The following ARHGAP28 variants were observed in gnomAD, a reference collection of about 807,000 sequenced individuals.
ARHGAP28 encodes the protein rho GTPase-activating protein 28.
ARHGAP28 carries 56 observed loss-of-function variants against 90.7 expected under a neutral mutation model. The ratio of observed to expected loss-of-function variants is 0.62; its 90% CI spans 0.50 to 0.77. The LOEUF (loss-of-function observed/expected upper bound fraction) is 0.77, where lower values mean the gene tolerates loss of function less well. Among genes scored for constraint, ARHGAP28 ranks in the 30% least tolerant of loss-of-function variants. The probability of loss-of-function intolerance (pLI) is 0.00; values close to 1 mark genes in which losing one functional copy is unlikely to be tolerated. For missense variants in ARHGAP28, 869 were observed against 900.9 expected (o/e 0.96, Z 0.45); for synonymous variants, 308 against 323.3 (o/e 0.95, Z 0.51).
At chr18:6,907,631 C>G (rs908684196) in intron 16 of ARHGAP28, among the ~76,000 whole-genome samples, 3 of 152,178 alleles carry the variant, frequency 2.0e-5, no homozygotes, top group East Asian at 3.9e-4. Flanking sequence ...GGAAGTGCTG[C>G]TGGGGGTGAG....
At chr18:6,806,314 T>C (rs2056518858) in intron 1 of ARHGAP28, among the ~76,000 whole-genome samples, 1 of 152,198 alleles carries the variant, frequency 6.6e-6, no homozygotes, top group South Asian at 2.1e-4. Flanking sequence ...CTATGTATTA[T>C]AATCTTTATC....
At chr18:6,888,581 T>G (rs2057239885) in intron 12 of ARHGAP28, among the ~76,000 whole-genome samples, 1 of 152,222 alleles carries the variant, frequency 6.6e-6, no homozygotes, top group Admixed American at 6.5e-5. Flanking sequence ...ATTCAATAAT[T>G]TTTCAAAAAC....
chr18:6,843,275 C>T (rs2056841722), intron 3 of ARHGAP28, among the ~76,000 whole-genome samples: 3 of 152,132 alleles, frequency 2.0e-5, no homozygotes, highest in South Asian at 2.1e-4. Flanking sequence ...AGGTGTCACT[C>T]ATCACCGAGA....
chr18:6,827,559 C>T (rs1191788750), intron 2 of ARHGAP28, among the ~76,000 whole-genome samples: 114 of 145,790 alleles, frequency 7.8e-4, no homozygotes, highest in Non-Finnish European at 1.4e-3. Flanking sequence ...CCCCACCTCC[C>T]TCCCGGACGG....
intron 1 of ARHGAP28, among the ~76,000 whole-genome samples, chr18:6,739,669 C>CTCTG (rs947739240): frequency 1.3e-5 from 2 of 150,566 alleles, no homozygotes; most frequent in African/African-American, 4.9e-5. Flanking sequence ...CTCTCTCTCT[C>CTCTG]TCTTTCTTTC....
intron 1 of ARHGAP28, among the ~76,000 whole-genome samples, chr18:6,810,626 G>A (rs977888854): frequency 3.3e-5 from 5 of 152,134 alleles, no homozygotes. Context: ...GTGAGTCTGA[G>A]GGAGTAGTTA....
chr18:6,779,413 C>A (rs984247976), intron 1 of ARHGAP28, among the ~76,000 whole-genome samples: 6 of 152,326 alleles, frequency 3.9e-5, no homozygotes, highest in African/African-American at 1.4e-4. Context: ...GAACTGCATA[C>A]ATTTATCACA....
chr18:6,888,059 G>A (rs2057236019), intron 12 of ARHGAP28, among the ~76,000 whole-genome samples: 1 of 152,152 alleles, frequency 6.6e-6, no homozygotes, highest in Non-Finnish European at 1.5e-5. Context: ...AATAGTTCTA[G>A]AATTTCAGAA....
intron 12 of ARHGAP28, among the ~76,000 whole-genome samples, chr18:6,889,300 A>G (rs546559627): frequency 2.6e-5 from 4 of 152,134 alleles, no homozygotes; most frequent in African/African-American, 4.8e-5. Context: ...CCTGCACACA[A>G]ACATTTGCTT....
chr18:6,870,894 G>C (rs181527920), intron 7 of ARHGAP28, among the ~76,000 whole-genome samples, 162 bp downstream of exon 7: 1 of 151,692 alleles, frequency 6.6e-6, no homozygotes, highest in African/African-American at 2.4e-5. Flanking sequence ...TCTGCCTCCC[G>C]GGTTCACGCC....
At chr18:6,807,551 G>C (rs1033728824) in intron 1 of ARHGAP28, among the ~76,000 whole-genome samples, 16 of 152,148 alleles carry the variant, frequency 1.1e-4, no homozygotes, top group African/African-American at 3.9e-4. Flanking sequence ...CCCCACTCTA[G>C]AGGCAAAACT....
chr18:6,831,801 A>G (rs1201307288), intron 2 of ARHGAP28, among the ~76,000 whole-genome samples: 1 of 152,120 alleles, frequency 6.6e-6, no homozygotes, highest in Non-Finnish European at 1.5e-5. Flanking sequence ...TATCCTTGTC[A>G]TGTTCCCAGT....
At chr18:6,868,882 C>T (rs1245825175) in intron 6 of ARHGAP28, among the ~76,000 whole-genome samples, 1 of 151,894 alleles carries the variant, frequency 6.6e-6, no homozygotes, top group African/African-American at 2.4e-5. Flanking sequence ...ATGGTTGTAC[C>T]ACTCTGTTAA....
At chr18:6,899,912 G>A (rs1032447928) in intron 16 of ARHGAP28, among the ~76,000 whole-genome samples, 2 of 152,094 alleles carry the variant, frequency 1.3e-5, no homozygotes, top group South Asian at 2.1e-4. Context: ...GAAAGGGTTA[G>A]GATGTGGGAA....
intron 1 of ARHGAP28, among the ~76,000 whole-genome samples, chr18:6,799,739 A>C (rs997968216): frequency 2.6e-5 from 4 of 152,248 alleles, no homozygotes; most frequent in African/African-American, 9.6e-5. Context: ...CTTAAACGTA[A>C]GACCTAAAAC....
rs376887702 is a variant in ARHGAP28, at chr18:6,890,306, A to G, written c.1735-124A>G. 138 of 757,634 alleles carry G rather than the reference A, an allele frequency of 1.8e-4. No individual in the cohort carries two copies. In the African/African-American group the frequency reaches 2.1e-3, roughly 11 times the overall value. The allele number at this position is 757,634 out of a possible 1,614,324, so 46.9% of individuals were successfully genotyped here. ...ATTTTTTCTAAACTTTATAAGGACA[A>G]TGCCACCATTCCTGGCTCCAGGATA... On this transcript the variant is annotated intron_variant, in intron 13 of 17. Transcript: ENST00000383472.
intron 1 of ARHGAP28, among the ~76,000 whole-genome samples, chr18:6,767,922 A>G (rs959289840): frequency 6.6e-6 from 1 of 152,096 alleles, no homozygotes; most frequent in Non-Finnish European, 1.5e-5. Flanking sequence ...TCCCCATCCT[A>G]GCACTCCAGT....
chr18:6,868,286 C>T (rs1360806147), intron 6 of ARHGAP28, 52 bp downstream of exon 6: 40 of 1,497,510 alleles, frequency 2.7e-5, no homozygotes, highest in Non-Finnish European at 3.7e-5. Flanking sequence ...CGCTTTTGTT[C>T]TGGCACTCAA....
intron 4 of ARHGAP28, among the ~76,000 whole-genome samples, chr18:6,851,947 G>C (rs1157438263): frequency 2.0e-5 from 3 of 152,024 alleles, no homozygotes; most frequent in Non-Finnish European, 4.4e-5. Context: ...ATTTTGGGGG[G>C]TGCTTGTTTT....
Sources: gnomAD v4.1 joint callset for allele counts (sites outside exome capture counted in the v4.1 genomes callset) on GRCh38, gnomAD v4.1.1 for gene constraint, MANE v1.5 for transcripts, NCBI Gene and HGNC (gene_info 2026-07-23, HGNC 2026-07-21) for gene names.